RBFOX1: variants seen among roughly 807,000 people sequenced by gnomAD.
RBFOX1 encodes RNA binding fox-1 homolog 1.
Under a neutral mutation model 57.7 loss-of-function variants are expected in RBFOX1, and 8 were observed. The ratio of observed to expected loss-of-function variants is 0.14; its 90% CI spans 0.08 to 0.25. The LOEUF is 0.25. RBFOX1 is among the 10% of genes least tolerant of loss of function. RBFOX1 has a pLI of 1.00. For missense variants in RBFOX1, 611 were observed against 548.5 expected, an observed-to-expected ratio of 1.11 and a Z score of -1.14; for synonymous variants, 326 against 222.4, an observed-to-expected ratio of 1.47 and a Z score of -4.15.
At chr16:7,047,618 T>C (rs1222060851) in intron 3 of RBFOX1, among the ~76,000 whole-genome samples, 4 of 52,452 alleles carry the variant, frequency 7.6e-5, no homozygotes, top group Non-Finnish European at 1.6e-4. Flanking sequence ...TATTTCTTAA[T>C]TTTTTTTTTT....
intron 3 of RBFOX1, among the ~76,000 whole-genome samples, chr16:6,748,627 C>G (rs1371140174): frequency 6.6e-6 from 1 of 152,164 alleles, no homozygotes; most frequent in African/African-American, 2.4e-5. Flanking sequence ...CCACTGCACT[C>G]CAGCCTGAGC....
chr16:5,293,616 T>C (rs963617898), intron 1 of RBFOX1, among the ~76,000 whole-genome samples: 7 of 152,192 alleles, frequency 4.6e-5, no homozygotes, highest in African/African-American at 1.7e-4. Context: ...TATTCATTCA[T>C]CAACCAAATG....
chr16:5,570,640 G>A (rs2046249504), intron 2 of RBFOX1, among the ~76,000 whole-genome samples: 1 of 152,120 alleles, frequency 6.6e-6, no homozygotes, highest in South Asian at 2.1e-4. Context: ...AGGAGTTTGA[G>A]ACCAGCCTTG....
At chr16:6,461,066 A>G (rs2094908007) in intron 2 of RBFOX1, among the ~76,000 whole-genome samples, 1 of 152,074 alleles carries the variant, frequency 6.6e-6, no homozygotes, top group Admixed American at 6.5e-5. Flanking sequence ...GAACAGATAG[A>G]CACAGAGAGG....
chr16:6,311,201 C>G (rs555674449), intron 1 of RBFOX1, among the ~76,000 whole-genome samples: 2 of 143,946 alleles, frequency 1.4e-5, no homozygotes, highest in Non-Finnish European at 3.0e-5. Context: ...GTGGCTGAGG[C>G]AGAAGAATCT....
intron 1 of RBFOX1, among the ~76,000 whole-genome samples, chr16:5,259,235 T>G (rs1021828956): frequency 6.6e-6 from 1 of 152,068 alleles, no homozygotes; most frequent in Non-Finnish European, 1.5e-5. Flanking sequence ...CTACAACCCT[T>G]AGGAACATCA....
intron 1 of RBFOX1, among the ~76,000 whole-genome samples, chr16:6,104,542 C>T (rs986105471): frequency 3.3e-5 from 5 of 152,104 alleles, no homozygotes; most frequent in African/African-American, 4.8e-5. Flanking sequence ...AAAGAGAGCT[C>T]GCCTCCAAGC....
At chr16:7,468,005 G>T (rs142721283) in intron 4 of RBFOX1, among the ~76,000 whole-genome samples, 62 of 152,342 alleles carry the variant, frequency 4.1e-4, no homozygotes, top group Non-Finnish European at 7.8e-4. Flanking sequence ...TGCAAGTGAA[G>T]CAGAAGGAAA....
In RBFOX1 at chr16:6,610,148, T is replaced by C. The variant is rs570254420; in HGVS notation, c.-63-44455T>C. Among the ~76,000 whole-genome samples, 45 of 152,298 alleles carry C rather than the reference T, an allele frequency of 3.0e-4. 1 individual carries two copies. The highest frequency in any genetic ancestry group is 9.9e-4 in the African/African-American group (41 of 41,568). On this transcript the variant is annotated intron_variant, in intron 2 of 15. Coordinates refer to ENST00000550418, the MANE Select transcript of RBFOX1 (RefSeq NM_018723.4). Reference sequence around the variant, plus strand: ...GTGTGTTTCATGGACCTCACGTTGATTCTCAAAGCCTGAAGCTCTTCGGTG... The same window carrying C: ...GTGTGTTTCATGGACCTCACGTTGACTCTCAAAGCCTGAAGCTCTTCGGTG...
At chr16:6,693,569 CCAT>C (rs1479305149) in intron 3 of RBFOX1, among the ~76,000 whole-genome samples, 1 of 151,622 alleles carries the variant, frequency 6.6e-6, no homozygotes, top group Non-Finnish European at 1.5e-5. Flanking sequence ...GCCATCACCA[CCAT>C]CATCATCGTC....
At chr16:6,912,087 C>A (rs1567843619) in intron 3 of RBFOX1, among the ~76,000 whole-genome samples, 1 of 152,136 alleles carries the variant, frequency 6.6e-6, no homozygotes, top group Admixed American at 6.5e-5. Context: ...TATGCTGTTG[C>A]TTTTTTTAGC....
chr16:6,680,472 C>G (rs184431275), intron 3 of RBFOX1, among the ~76,000 whole-genome samples: 1 of 152,074 alleles, frequency 6.6e-6, no homozygotes, highest in East Asian at 1.9e-4. Context: ...ACCATGTTAG[C>G]CACGATGGTC....
intron 3 of RBFOX1, among the ~76,000 whole-genome samples, chr16:6,755,282 A>G (rs537577857): frequency 3.7e-4 from 56 of 152,276 alleles, no homozygotes; most frequent in Middle Eastern, 3.4e-3. Context: ...CGCCACACCG[A>G]CTTCCACAAT....
chr16:7,453,370 T>TTGAGCTA (rs2057782705), intron 4 of RBFOX1, among the ~76,000 whole-genome samples: 1 of 151,516 alleles, frequency 6.6e-6, no homozygotes, highest in Non-Finnish European at 1.5e-5. Context: ...GCTAGGGAGG[T>TTGAGCTA]GGAGAGTGGC....
At chr16:6,809,402 A>T (rs1001016884) in intron 3 of RBFOX1, among the ~76,000 whole-genome samples, 2 of 152,166 alleles carry the variant, frequency 1.3e-5, no homozygotes, top group Non-Finnish European at 2.9e-5. Context: ...TTTTTAAAGA[A>T]TTATTTTTTA....
At chr16:6,448,582 G>C (rs967868765) in intron 2 of RBFOX1, among the ~76,000 whole-genome samples, 1 of 152,128 alleles carries the variant, frequency 6.6e-6, no homozygotes, top group Non-Finnish European at 1.5e-5. Context: ...ATAGCACCCT[G>C]TGCAGTTGTG....
chr16:7,266,535 A>T (rs973659482), intron 4 of RBFOX1, among the ~76,000 whole-genome samples: 1 of 152,102 alleles, frequency 6.6e-6, no homozygotes, highest in Non-Finnish European at 1.5e-5. Flanking sequence ...AGAACAACCT[A>T]TTACACCTCA....
rs75736617 is a variant in RBFOX1 at position 6,881,873 on chromosome 16, G to C, written c.-15-170184G>C. 3.1e-3 allele frequency among the ~76,000 whole-genome samples: 479 copies of C among 152,274 alleles called. 3 individuals are homozygous for C. The highest frequency in any genetic ancestry group is 0.011 in the African/African-American group (467 of 41,558). On this transcript the variant is annotated intron_variant, in intron 3 of 15. Coordinates refer to ENST00000550418, the MANE Select transcript of RBFOX1 (RefSeq NM_018723.4). ...AGGCTGAAAAATCTTAAGAACTGTAGTAAAAGTTTCACAGCTGGAGTTGCT... is the reference window on the plus strand; with the variant it reads ...AGGCTGAAAAATCTTAAGAACTGTACTAAAAGTTTCACAGCTGGAGTTGCT...
chr16:6,335,310 T>C (rs1020954090), intron 2 of RBFOX1, among the ~76,000 whole-genome samples: 2 of 152,030 alleles, frequency 1.3e-5, no homozygotes, highest in Non-Finnish European at 2.9e-5. Context: ...CCCCAGGTGG[T>C]AGGTCTTGGT....
Sources: gnomAD v4.1 joint callset for allele counts (sites outside exome capture counted in the v4.1 genomes callset) on GRCh38, gnomAD v4.1.1 for gene constraint, MANE v1.5 for transcripts, NCBI Gene and HGNC (gene_info 2026-07-23, HGNC 2026-07-21) for gene names.